Variants in TBCK observed in about 807,000 individuals in gnomAD.
TBCK encodes TBC1 domain containing kinase, also known as TBC domain-containing protein kinase-like protein.
TBCK carries 99 observed loss-of-function variants against 113.4 expected under a neutral mutation model. The ratio of observed to expected loss-of-function variants is 0.87; its 90% CI spans 0.74 to 1.03. TBCK has a LOEUF of 1.03. TBCK is among the 50% of genes least tolerant of loss of function. The probability of loss-of-function intolerance (pLI) is 0.00; values close to 1 mark genes in which losing one functional copy is unlikely to be tolerated. For synonymous variants in TBCK, 369 were observed against 370.8 expected, an observed-to-expected ratio of 1.00 and a Z score of 0.05; for missense variants, 1,045 against 1,061.3, an observed-to-expected ratio of 0.98 and a Z score of 0.21.
chr4:106,132,269 C>T (rs1261596816), intron 23 of TBCK, among the ~76,000 whole-genome samples: 3 of 152,158 alleles, frequency 2.0e-5, no homozygotes, highest in Non-Finnish European at 1.5e-5. Flanking sequence ...GGGCCCAGGG[C>T]CCCACTGCTC....
intron 20 of TBCK, among the ~76,000 whole-genome samples, chr4:106,204,057 A>G (rs2149851969): frequency 1.3e-5 from 2 of 152,264 alleles, no homozygotes; most frequent in East Asian, 3.9e-4. Flanking sequence ...GAATCATGCT[A>G]ATAAAAGAAA....
intron 20 of TBCK, among the ~76,000 whole-genome samples, chr4:106,197,407 G>GTA (rs1351398808): frequency 5.0e-4 from 51 of 101,056 alleles, no homozygotes; most frequent in African/African-American, 1.1e-3. Context: ...GTGTGTGTGT[G>GTA]TGTGTATATA....
chr4:106,304,855 T>C (rs1178481712), intron 2 of TBCK, among the ~76,000 whole-genome samples: 3 of 152,328 alleles, frequency 2.0e-5, no homozygotes, highest in Non-Finnish European at 2.9e-5. Context: ...ATGACTCTTA[T>C]CTACATAACA....
intron 19 of TBCK, among the ~76,000 whole-genome samples, chr4:106,229,294 T>C (rs1043886875): frequency 6.6e-6 from 1 of 152,020 alleles, no homozygotes; most frequent in Non-Finnish European, 1.5e-5. Flanking sequence ...CCTCTGCTTA[T>C]GGGGTATTAC....
intron 3 of TBCK, among the ~76,000 whole-genome samples, chr4:106,266,665 T>C (rs2150116206): frequency 6.6e-6 from 1 of 151,968 alleles, no homozygotes. Context: ...TACTTGAGAG[T>C]ACATGTCAAT....
intron 2 of TBCK, among the ~76,000 whole-genome samples, chr4:106,303,523 A>T (rs1299645765): frequency 6.6e-6 from 1 of 152,118 alleles, no homozygotes; most frequent in Non-Finnish European, 1.5e-5. Context: ...TCATTTCCTT[A>T]GATGTTTACT....
chr4:106,122,219 A>C (rs1390221220), intron 23 of TBCK, among the ~76,000 whole-genome samples: 1 of 151,954 alleles, frequency 6.6e-6, no homozygotes, highest in Non-Finnish European at 1.5e-5. Context: ...CAGAAATACA[A>C]ACTACCATCA....
upstream of TBCK, chr4:106,316,380 G>A (rs757479021): frequency 1.0e-4 from 66 of 663,176 alleles, no homozygotes; most frequent in African/African-American, 1.0e-3. Flanking sequence ...TGAAAATACT[G>A]GGTGAGGGAA....
chr4:106,067,271 A>G (rs1736752178), intron 25 of TBCK, among the ~76,000 whole-genome samples: 1 of 152,114 alleles, frequency 6.6e-6, no homozygotes, highest in Admixed American at 6.5e-5. Context: ...GGCCATTTGT[A>G]TATCTTCCTC....
At chr4:106,214,283 A>G (rs1756570842) in intron 19 of TBCK, among the ~76,000 whole-genome samples, 1 of 152,184 alleles carries the variant, frequency 6.6e-6, no homozygotes, top group Admixed American at 6.5e-5. Flanking sequence ...CAGAACAGAA[A>G]AACTGGAAAC....
At chr4:106,214,414 T>G (rs1002169383) in intron 19 of TBCK, among the ~76,000 whole-genome samples, 2 of 151,978 alleles carry the variant, frequency 1.3e-5, no homozygotes, top group Non-Finnish European at 2.9e-5. Flanking sequence ...ATCAAATTAC[T>G]CTGAGCTACG....
chr4:106,205,382 G>C (rs1755355597), intron 20 of TBCK, among the ~76,000 whole-genome samples: 1 of 151,942 alleles, frequency 6.6e-6, no homozygotes, highest in Non-Finnish European at 1.5e-5. Context: ...TAGAGTGATG[G>C]ATTTTAGTAT....
chr4:106,207,595 A>G (rs1451248018), intron 20 of TBCK, among the ~76,000 whole-genome samples: 2 of 152,228 alleles, frequency 1.3e-5, no homozygotes, highest in Non-Finnish European at 2.9e-5. Context: ...AATGTTTTTA[A>G]AAGTCCTCCA....
At chr4:106,125,793 A>G (rs1745134296) in intron 23 of TBCK, among the ~76,000 whole-genome samples, 1 of 152,126 alleles carries the variant, frequency 6.6e-6, no homozygotes, top group African/African-American at 2.4e-5. Context: ...TGGTTAATGA[A>G]TATGGAAATA....
Position 106,308,805 on chromosome 4 carries a change from T to G in TBCK, c.156A>C (p.Arg52Ser), listed in dbSNP as rs1254886948. ...FQILKTITHP[R>S]LCQYVDISRG... ...TAGAAATATCCACATACTGGCAGAG[T>G]CTGGGATGGGTGATGGTTTTAAGGA... Residue 52 changes from arginine (R) to serine (S), a missense_variant, in exon 2 of 26, where the codon AGA (arginine) becomes AGC (serine). Arg to Ser is a moderately radical substitution (Grantham distance 110). Transcript: ENST00000394708. The G allele has an allele frequency of 1.2e-6, 2 of 1,613,658 alleles. No individual in the cohort carries two copies.
At position 106,045,493 on chromosome 4, in the gene TBCK, G is replaced by A. The variant is rs1482517084; in HGVS notation, c.*1077C>T. The A allele has an allele frequency of 3.9e-5, 6 of 152,104 alleles. No individual in the cohort carries two copies. The highest frequency in any genetic ancestry group is 1.4e-4 in the African/African-American group (6 of 41,398). 9.4% of individuals were successfully genotyped at this position (152,104 alleles called of 1,614,324 possible). ...CTTCTTCCCACACAGTAATAAGAATGTTTTTAGCTGGGGAAATGATCAACC... is the reference window on the plus strand; with the variant it reads ...CTTCTTCCCACACAGTAATAAGAATATTTTTAGCTGGGGAAATGATCAACC... On this transcript the variant is annotated 3_prime_UTR_variant, in exon 26 of 26. Coordinates refer to ENST00000394708, the MANE Select transcript of TBCK (RefSeq NM_001163435.3).
chr4:106,307,801 T>C (rs1019798669), intron 2 of TBCK, among the ~76,000 whole-genome samples: 5 of 152,088 alleles, frequency 3.3e-5, no homozygotes, highest in Non-Finnish European at 7.4e-5. Context: ...TTAAAAATAT[T>C]GCCACCATAA....
rs1425666717 is a variant in TBCK, at chr4:106,212,171, ATAAG to A, written c.1860+575_1860+578del. ...CACTTTCATTTGTTATTTTTAATTGATAAGTAATAATTGTATACATTTATTGGAT... is the reference window on the plus strand; with the variant it reads ...CACTTTCATTTGTTATTTTTAATTGATAATAATTGTATACATTTATTGGAT... On this transcript the variant is annotated intron_variant, in intron 20 of 25. Coordinates refer to ENST00000394708, the MANE Select transcript of TBCK (RefSeq NM_001163435.3). 3.3e-5 allele frequency among the ~76,000 whole-genome samples: 5 copies of A among 152,116 alleles called. No homozygotes were observed. In the East Asian group the frequency reaches 9.6e-4, roughly 29 times the overall value.
At chr4:106,233,674 ATTAAT>A (rs1237023859) in intron 15 of TBCK, 24 bp from the exon 16 acceptor site, 1 of 1,558,036 alleles carries the variant, frequency 6.4e-7, no homozygotes, top group Non-Finnish European at 8.8e-7. Context: ...AAGAAGATAT[ATTAAT>A]TTATCATATC....
Sources: gnomAD v4.1 joint callset for allele counts (sites outside exome capture counted in the v4.1 genomes callset) on GRCh38, gnomAD v4.1.1 for gene constraint, MANE v1.5 for transcripts, NCBI Gene and HGNC (gene_info 2026-07-23, HGNC 2026-07-21) for gene names.